Variants in RYK observed in about 807,000 individuals in gnomAD.
RYK encodes receptor like tyrosine kinase.
RYK carries 21 observed loss-of-function variants against 70.2 expected under a neutral mutation model. The observed-to-expected ratio is 0.30, with a 90% CI of 0.21 to 0.43. The LOEUF is 0.43. Among genes scored for constraint, RYK ranks in the 20% least tolerant of loss-of-function variants. The pLI is 1.00. For missense variants in RYK, 604 were observed against 753.3 expected (o/e 0.80, Z 2.32); for synonymous variants, 267 against 278.0 (o/e 0.96, Z 0.39).
intron 2 of RYK, among the ~76,000 whole-genome samples, chr3:134,222,161 G>C (rs1159956554): frequency 6.6e-6 from 1 of 152,222 alleles, no homozygotes; most frequent in Non-Finnish European, 1.5e-5. Flanking sequence ...ATCTCTGTTT[G>C]AAGAGCCTAA....
At chr3:134,225,703 T>C (rs1203372142) in intron 1 of RYK, among the ~76,000 whole-genome samples, 1 of 151,950 alleles carries the variant, frequency 6.6e-6, no homozygotes, top group Non-Finnish European at 1.5e-5. Flanking sequence ...AAAACTTTTT[T>C]TAAATTAGCT....
chr3:134,202,943 T>C lies in RYK; in HGVS notation c.644-69A>G, dbSNP rs2014071960. ...TGACTGCTTTGTGACCCAATATACA[T>C]AAATAAGTATTCTGTTCTTTTCATG... On this transcript the variant is annotated intron_variant, in intron 5 of 14. Coordinates refer to ENST00000623711, the MANE Select transcript of RYK (RefSeq NM_002958.4). The C allele has an allele frequency of 3.1e-6, 4 of 1,277,842 alleles. No individual in the cohort carries two copies. In the South Asian group the frequency reaches 5.2e-5, roughly 17 times the overall value. The allele number at this position is 1,277,842 out of a possible 1,614,324, so 79.2% of individuals were successfully genotyped here.
chr3:134,195,772 C>T (rs1195734881), intron 6 of RYK, among the ~76,000 whole-genome samples: 1 of 152,102 alleles, frequency 6.6e-6, no homozygotes, highest in Non-Finnish European at 1.5e-5. Flanking sequence ...CATGGTGAAA[C>T]CCTGTCTCTA....
Position 134,211,607 on chromosome 3 carries a change from C to T in RYK, c.355G>A (p.Val119Ile). The change falls in exon 3 of 15, where the codon GTT becomes ATT. Residue 119 changes from valine to isoleucine, a missense_variant and splice_region_variant. Physicochemically the swap from Val to Ile is conservative, Grantham distance 29. Transcript: ENST00000623711. ...ACTTGGAATCCCAGCTTATATTCAA[C>T]CTGTAAAATAGACAAAAATAAACAA... ...LHFTWHAKSK[V>I]EYKLGFQVDN... 6.2e-7 allele frequency: 1 copy of T among 1,609,172 alleles called. No individual in the cohort carries two copies. Among genetic ancestry groups the T allele is most frequent in the Non-Finnish European group, 8.5e-7 (1 of 1,175,862 alleles).
intron 10 of RYK, chr3:134,179,648 G>A (rs1192573547): frequency 6.6e-6 from 1 of 152,156 alleles, no homozygotes; most frequent in Non-Finnish European, 1.5e-5. Context: ...CTCTCCAGAG[G>A]AGCAAGGGAG....
At chr3:134,243,235 G>A (rs1045974123) in intron 1 of RYK, among the ~76,000 whole-genome samples, 4 of 152,132 alleles carry the variant, frequency 2.6e-5, no homozygotes, top group Non-Finnish European at 5.9e-5. Flanking sequence ...AGATTCCTCT[G>A]TGACTCCTCC....
At chr3:134,163,694 T>C (rs1397376359) in intron 13 of RYK, among the ~76,000 whole-genome samples, 1 of 152,212 alleles carries the variant, frequency 6.6e-6, no homozygotes, top group Non-Finnish European at 1.5e-5. Context: ...AATGCAAGGC[T>C]CACTTCAGTA....
chr3:134,183,816 G>C (rs939012929), intron 9 of RYK, among the ~76,000 whole-genome samples: 2 of 152,104 alleles, frequency 1.3e-5, no homozygotes, highest in Non-Finnish European at 2.9e-5. Context: ...TAATTAAATT[G>C]ACACAATGGG....
chr3:134,219,079 G>A (rs144414017), intron 2 of RYK, among the ~76,000 whole-genome samples: 60 of 152,242 alleles, frequency 3.9e-4, no homozygotes, highest in African/African-American at 1.4e-3. Flanking sequence ...CTGCCAAAGA[G>A]GTAACTTAGA....
At chr3:134,204,552 C>G (rs2014140513) in intron 5 of RYK, among the ~76,000 whole-genome samples, 2 of 149,240 alleles carry the variant, frequency 1.3e-5, no homozygotes, top group African/African-American at 4.9e-5. Flanking sequence ...AAAAGAAAGC[C>G]TCAGCAACAG....
intron 13 of RYK, among the ~76,000 whole-genome samples, 174 bp downstream of exon 13, chr3:134,175,435 A>G (rs1281072822): frequency 2.6e-5 from 4 of 152,182 alleles, no homozygotes; most frequent in African/African-American, 9.7e-5. Flanking sequence ...TCTGGGTCAC[A>G]GCTCCTCTCC....
At chr3:134,162,525 G>A (rs1227722681) in intron 13 of RYK, among the ~76,000 whole-genome samples, 2 of 152,102 alleles carry the variant, frequency 1.3e-5, no homozygotes, top group Admixed American at 6.5e-5. Context: ...CAGAGTCTTG[G>A]AGGCTACTGA....
chr3:134,178,199 A>G, intron 10 of RYK, 126 bp from the exon 11 acceptor site: 1 of 696,252 alleles, frequency 1.4e-6, no homozygotes, highest in African/African-American at 1.9e-5. Flanking sequence ...TTACCATTAA[A>G]AATGTAAAAT....
chr3:134,175,088 G>C (rs6439463), intron 13 of RYK, among the ~76,000 whole-genome samples: 148,725 of 152,324 alleles, frequency 0.98, 72,698 homozygotes, highest in East Asian at 1. Flanking sequence ...GTAATCCCAG[G>C]ACTTTGGGAG....
chr3:134,224,278 A>G (rs528731027), intron 1 of RYK, among the ~76,000 whole-genome samples: 1 of 152,346 alleles, frequency 6.6e-6, no homozygotes, highest in African/African-American at 2.4e-5. Context: ...GTAAGGTCAC[A>G]TAAGTCACGT....
chr3:134,198,574 A>G (rs1055774236), intron 6 of RYK, among the ~76,000 whole-genome samples: 7 of 152,230 alleles, frequency 4.6e-5, no homozygotes, highest in Non-Finnish European at 8.8e-5. Flanking sequence ...CACTTATGCC[A>G]GTACCTGGCA....
chr3:134,207,944 T>C (rs1455960599), intron 4 of RYK, among the ~76,000 whole-genome samples: 1 of 152,214 alleles, frequency 6.6e-6, no homozygotes, highest in Non-Finnish European at 1.5e-5. Flanking sequence ...GTACAGATGT[T>C]TTCTGTTGCA....
intron 1 of RYK, among the ~76,000 whole-genome samples, chr3:134,247,881 G>T (rs1166481227): frequency 6.6e-6 from 1 of 152,104 alleles, no homozygotes; most frequent in African/African-American, 2.4e-5. Context: ...ATAAAATAAT[G>T]GTTCGTTTCC....
intron 2 of RYK, among the ~76,000 whole-genome samples, chr3:134,212,550 A>C (rs2014433571): frequency 6.6e-6 from 1 of 152,230 alleles, no homozygotes; most frequent in South Asian, 2.1e-4. Flanking sequence ...GAAAAGAGTG[A>C]GAAGAAAGAT....
Sources: gnomAD v4.1 joint callset for allele counts (sites outside exome capture counted in the v4.1 genomes callset) on GRCh38, gnomAD v4.1.1 for gene constraint, MANE v1.5 for transcripts, NCBI Gene and HGNC (gene_info 2026-07-23, HGNC 2026-07-21) for gene names.